Variants in MYOM2 observed in about 807,000 individuals in gnomAD.
MYOM2 encodes the protein myomesin 2, also known as myomesin-2.
A neutral mutation model predicts 187.6 loss-of-function variants in MYOM2; 254 were observed. That is an observed-to-expected ratio of 1.35 (90% CI 1.22 to 1.50). The LOEUF (loss-of-function observed/expected upper bound fraction) is 1.50. Ranked by LOEUF, MYOM2 falls within the 40% of genes most tolerant of loss-of-function variation. The pLI is 0.00. For missense variants in MYOM2, 2,796 were observed against 1,924.0 expected (o/e 1.45, Z -8.48); for synonymous variants, 981 against 753.8 (o/e 1.30, Z -4.94).
intron 3 of MYOM2, among the ~76,000 whole-genome samples, chr8:2,055,459 A>C (rs1327905515): frequency 6.6e-6 from 1 of 152,154 alleles, no homozygotes; most frequent in Non-Finnish European, 1.5e-5. Context: ...AGAATGGCTG[A>C]GGCCCAAACA....
In MYOM2 at chr8:2,145,350, C is replaced by T. The variant is rs192856746; in HGVS notation, c.*369C>T. 2.3e-3 allele frequency: 684 copies of T among 303,902 alleles called. 7 individuals carry two copies. The highest frequency in any genetic ancestry group is 2.8e-3 in the South Asian group (37 of 13,010). 18.8% of individuals were successfully genotyped at this position (303,902 alleles called of 1,614,324 possible). On this transcript the variant is annotated 3_prime_UTR_variant, in exon 37 of 37. Coordinates refer to ENST00000262113, the MANE Select transcript of MYOM2 (RefSeq NM_003970.4). Reference sequence around the variant, plus strand: ...GCCACCGTGCTTCTCTTTGGGGGGCCGCGAGATCTAGCATCTCTGAAATCC... The same window carrying T: ...GCCACCGTGCTTCTCTTTGGGGGGCTGCGAGATCTAGCATCTCTGAAATCC...
At chr8:2,067,301 G>T (rs962412246) in intron 6 of MYOM2, among the ~76,000 whole-genome samples, 1 of 152,154 alleles carries the variant, frequency 6.6e-6, no homozygotes, top group African/African-American at 2.4e-5. Flanking sequence ...AGTAACTCTT[G>T]CTTTTCTCAA....
chr8:2,106,181 AAAAGAGAGTTG>A, intron 21 of MYOM2, 50 bp from the exon 22 acceptor site: 1 of 1,546,298 alleles, frequency 6.5e-7, no homozygotes, highest in Non-Finnish European at 8.8e-7. Flanking sequence ...ACCCTCTCCC[AAAAGAGAGTTG>A]AAAGAACACC....
chr8:2,129,276 C>A, intron 32 of MYOM2, 44 bp downstream of exon 32: 1 of 1,369,806 alleles, frequency 7.3e-7, no homozygotes. Context: ...ATAGATGGGG[C>A]TGTCCAGGGC....
intron 25 of MYOM2, among the ~76,000 whole-genome samples, chr8:2,115,615 T>A (rs1310227697): frequency 6.6e-6 from 1 of 152,196 alleles, no homozygotes; most frequent in African/African-American, 2.4e-5. Context: ...CAGCTGGTGA[T>A]CGTTATCATT....
Position 2,088,215 on chromosome 8 carries a change from C to T in MYOM2, c.1645-1793C>T, listed in dbSNP as rs62478383. Among the ~76,000 whole-genome samples the T allele has an allele frequency of 4.0e-3, 615 of 152,318 alleles. 2 individuals are homozygous for T. The highest frequency in any genetic ancestry group is 6.5e-3 in the Admixed American group (99 of 15,300). ...ATCCCTCGCCTCCCTCCCACTCTTT[C>T]CCCCAAGTCCCCAGAGTCTATTGTG... On this transcript the variant is annotated intron_variant, in intron 14 of 36. Coordinates refer to ENST00000262113, the MANE Select transcript of MYOM2 (RefSeq NM_003970.4).
chr8:2,117,968 C>G lies in MYOM2; in HGVS notation c.3453+16C>G. The stretch of plus-strand genomic sequence containing the variant: ...TGTTTGCAAGGTGAGAAACCCGGTT[C>G]TAACAGGAAAACAATAAATCTCATT... On this transcript the variant is annotated intron_variant, in intron 28 of 36. Coordinates refer to ENST00000262113, the MANE Select transcript of MYOM2 (RefSeq NM_003970.4). 6.2e-7 allele frequency: 1 copy of G among 1,608,544 alleles called. No homozygotes were observed. Among genetic ancestry groups the G allele is most frequent in the Non-Finnish European group, 8.5e-7 (1 of 1,176,252 alleles).
rs375053050 is a variant in MYOM2 at position 2,094,100 on chromosome 8, C to G, written c.2125+9C>G. On this transcript the variant is annotated intron_variant, in intron 17 of 36. Transcript: ENST00000262113. ...AGTGCAGGCCGCACTCAGTAAGTCA[C>G]TCACAGGCTGTTGTGTGCCGATTGC... The G allele has an allele frequency of 1.4e-5, 23 of 1,613,874 alleles. No homozygotes were observed. The highest frequency in any genetic ancestry group is 1.6e-4 in the Middle Eastern group (1 of 6,082).
chr8:2,046,952 C>T (rs149425483), intron 1 of MYOM2, among the ~76,000 whole-genome samples: 158 of 152,178 alleles, frequency 1.0e-3, no homozygotes, highest in African/African-American at 3.7e-3. Context: ...ATCCAGAATG[C>T]TCTAAATTCT....
chr8:2,070,014 CA>C (rs896489840), intron 8 of MYOM2, among the ~76,000 whole-genome samples: 43 of 152,314 alleles, frequency 2.8e-4, no homozygotes, highest in African/African-American at 9.4e-4. Flanking sequence ...AGACCCGCCC[CA>C]GGCCTAGGAC....
intron 14 of MYOM2, among the ~76,000 whole-genome samples, chr8:2,086,287 TCGTGATCTCCGC>T (rs1796041939): frequency 6.8e-6 from 1 of 147,390 alleles, no homozygotes; most frequent in Non-Finnish European, 1.5e-5. Context: ...CACCCCACTG[TCGTGATCTCCGC>T]GTGGCCCCCC....
chr8:2,055,666 G>A (rs1156878543), intron 3 of MYOM2, among the ~76,000 whole-genome samples: 2 of 152,172 alleles, frequency 1.3e-5, no homozygotes, highest in East Asian at 3.9e-4. Flanking sequence ...CTTCCCAAAT[G>A]CCTAACACCA....
chr8:2,066,519 TG>T (rs1222577155), intron 6 of MYOM2, among the ~76,000 whole-genome samples: 33 of 152,316 alleles, frequency 2.2e-4, no homozygotes, highest in African/African-American at 7.2e-4. Flanking sequence ...GTTTGGAGAA[TG>T]CATTTTTGAA....
In MYOM2 at chr8:2,096,365, C is replaced by G. The variant is rs1249011213; in HGVS notation, c.2244C>G (p.Asp748Glu). The G allele has an allele frequency of 6.2e-7, 1 of 1,614,236 alleles. No homozygotes were observed. Among genetic ancestry groups the G allele is most frequent in the Admixed American group, 1.7e-5 (1 of 60,036 alleles). Residue 748 changes from aspartate to glutamate, a missense_variant, in exon 18 of 37, where the codon GAC becomes GAG. Transcript: ENST00000262113. Reference protein sequence around the residue: ...GGSPILGYYLDKREVHHKNWH... With the variant: ...GGSPILGYYLEKREVHHKNWH... ...CGCCCATCCTGGGCTACTACCTGGA[C>G]AAGCGTGAAGTTCACCATAAAAACT... is the stretch of plus-strand genomic sequence containing the variant.
chr8:2,071,777 AC>A (rs1375723380), intron 8 of MYOM2, among the ~76,000 whole-genome samples: 1 of 152,202 alleles, frequency 6.6e-6, no homozygotes, highest in African/African-American at 2.4e-5. Context: ...CAGAAGCCTG[AC>A]ACTCAGCAGG....
intron 22 of MYOM2, 26 bp downstream of exon 22, chr8:2,106,424 C>T (rs1796894850): frequency 1.2e-6 from 2 of 1,612,060 alleles, no homozygotes; most frequent in Non-Finnish European, 1.7e-6. Context: ...AAGTTGGATA[C>T]TGGAAACTTT....
intron 15 of MYOM2, among the ~76,000 whole-genome samples, chr8:2,090,690 G>A (rs1796270684): frequency 6.6e-6 from 1 of 152,046 alleles, no homozygotes; most frequent in Non-Finnish European, 1.5e-5. Context: ...TCATCATTTA[G>A]CTCCCACTTA....
intron 6 of MYOM2, among the ~76,000 whole-genome samples, chr8:2,067,341 C>T (rs1197781968): frequency 6.6e-6 from 1 of 152,084 alleles, no homozygotes; most frequent in African/African-American, 2.4e-5. Context: ...TGTTTCTTTT[C>T]CCACGTTAAG....
rs370494955 is a variant in MYOM2, at chr8:2,101,029, C to A, written c.2594C>A (p.Thr865Lys). 1 of 1,614,042 alleles carries A rather than the reference C, an allele frequency of 6.2e-7. No individual in the cohort carries two copies. The highest frequency in any genetic ancestry group is 8.5e-7 in the Non-Finnish European group (1 of 1,179,996). Residue 865 changes from threonine (T) to lysine (K), a missense_variant, in exon 20 of 37, where the codon ACG becomes AAG. Transcript: ENST00000262113. Reference sequence around the variant, plus strand: ...GGAGAGTGGATCACTGTCAATCAGACGACAACAGCCAGCCGTTATTTAAAG... The same window carrying A: ...GGAGAGTGGATCACTGTCAATCAGAAGACAACAGCCAGCCGTTATTTAAAG... The part of the protein sequence containing the change: ...DAGEWITVNQ[T>K]TTASRYLKVS...
Sources: gnomAD v4.1 joint callset for allele counts (sites outside exome capture counted in the v4.1 genomes callset) on GRCh38, gnomAD v4.1.1 for gene constraint, MANE v1.5 for transcripts, NCBI Gene and HGNC (gene_info 2026-07-23, HGNC 2026-07-21) for gene names.